The following ACYP2 variants were observed in gnomAD, a reference collection of about 807,000 sequenced individuals.
The protein encoded by ACYP2 is acylphosphatase-2.
ACYP2 carries 12 observed loss-of-function variants against 11.2 expected under a neutral mutation model. That is an observed-to-expected ratio of 1.08 (90% CI 0.69 to 1.74). The LOEUF (loss-of-function observed/expected upper bound fraction) is 1.74. ACYP2 is among the 40% of genes most tolerant of loss of function. The probability of loss-of-function intolerance (pLI) is 0.00; values close to 1 mark genes in which losing one functional copy is unlikely to be tolerated. For missense variants in ACYP2, 134 were observed against 101.9 expected, an observed-to-expected ratio of 1.31 and a Z score of -1.35; for synonymous variants, 43 against 32.2, an observed-to-expected ratio of 1.33 and a Z score of -1.13.
At chr2:54,240,687 TGA>T (rs1161402889) in intron 6 of ACYP2, among the ~76,000 whole-genome samples, 7 of 152,192 alleles carry the variant, frequency 4.6e-5, no homozygotes, top group African/African-American at 1.4e-4. Context: ...GCAATTTAGA[TGA>T]GCAACTCCCT....
At chr2:54,230,271 C>T (rs1686174861) in intron 6 of ACYP2, among the ~76,000 whole-genome samples, 1 of 152,182 alleles carries the variant, frequency 6.6e-6, no homozygotes, top group African/African-American at 2.4e-5. Context: ...CAATTTACAA[C>T]CCCCGCTCTC....
intron 4 of ACYP2, among the ~76,000 whole-genome samples, chr2:54,112,563 A>T (rs1323050502): frequency 6.6e-6 from 1 of 152,248 alleles, no homozygotes; most frequent in African/African-American, 2.4e-5. Context: ...ATGGTAGTGA[A>T]AAATGAGAAG....
chr2:54,139,464 T>G (rs563523951), intron 6 of ACYP2, among the ~76,000 whole-genome samples: 13 of 152,320 alleles, frequency 8.5e-5, no homozygotes, highest in South Asian at 6.2e-4. Context: ...GTGTACACAA[T>G]GACGTTTTCA....
intron 6 of ACYP2, among the ~76,000 whole-genome samples, chr2:54,228,179 G>A (rs1686087833): frequency 1.3e-5 from 2 of 152,186 alleles, no homozygotes; most frequent in African/African-American, 4.8e-5. Context: ...CATTAGGAAG[G>A]AGGAATTTAC....
chr2:54,176,615 G>C (rs916867790), intron 6 of ACYP2, among the ~76,000 whole-genome samples: 1 of 152,184 alleles, frequency 6.6e-6, no homozygotes, highest in Non-Finnish European at 1.5e-5. Flanking sequence ...CTATCACCCA[G>C]AGTCAGTCAT....
intron 2 of ACYP2, among the ~76,000 whole-genome samples, chr2:53,980,752 C>CTT (rs796522648): frequency 2.9e-4 from 42 of 146,128 alleles, no homozygotes; most frequent in African/African-American, 9.5e-4. Flanking sequence ...TATAGGTGTA[C>CTT]TTTTTTTTTT....
chr2:54,081,858 C>G (rs1572709908), intron 4 of ACYP2, among the ~76,000 whole-genome samples: 1 of 152,334 alleles, frequency 6.6e-6, no homozygotes, highest in East Asian at 1.9e-4. Context: ...GATGGCCTCA[C>G]CGTCATGACT....
At chr2:53,980,883 G>T (rs1401907218) in intron 2 of ACYP2, among the ~76,000 whole-genome samples, 2 of 151,990 alleles carry the variant, frequency 1.3e-5, no homozygotes, top group Non-Finnish European at 2.9e-5. Context: ...CTCCCGAGTA[G>T]CTGTGACTAC....
At chr2:54,189,037 A>AT (rs886179142) in intron 6 of ACYP2, among the ~76,000 whole-genome samples, 1 of 152,210 alleles carries the variant, frequency 6.6e-6, no homozygotes, top group East Asian at 1.9e-4. Flanking sequence ...CTCTTTCACA[A>AT]TTTTTTAAAC....
intron 2 of ACYP2, among the ~76,000 whole-genome samples, chr2:54,003,187 A>T (rs1672883664): frequency 6.6e-6 from 1 of 152,018 alleles, no homozygotes; most frequent in Non-Finnish European, 1.5e-5. Flanking sequence ...GCCTCAAGTG[A>T]TCCTCTTGCA....
intron 2 of ACYP2, among the ~76,000 whole-genome samples, chr2:53,991,488 C>T (rs1168816959): frequency 6.6e-6 from 1 of 151,870 alleles, no homozygotes; most frequent in Non-Finnish European, 1.5e-5. Context: ...TCACTGCAAC[C>T]TCTGCCTCCT....
intron 3 of ACYP2, among the ~76,000 whole-genome samples, chr2:54,053,444 C>T (rs1675967148): frequency 6.6e-6 from 1 of 152,212 alleles, no homozygotes; most frequent in Non-Finnish European, 1.5e-5. Flanking sequence ...TGCACACCCA[C>T]CCATCAAGTT....
intron 2 of ACYP2, among the ~76,000 whole-genome samples, chr2:53,994,978 A>G (rs1368240253): frequency 1.3e-5 from 2 of 152,174 alleles, no homozygotes; most frequent in Non-Finnish European, 2.9e-5. Context: ...AGTTCTTTAT[A>G]TATATGTTTT....
chr2:54,115,348 T>G (rs916499329), intron 4 of ACYP2: 3 of 504,126 alleles, frequency 6.0e-6, no homozygotes, highest in African/African-American at 2.0e-5. Context: ...ACTCTTTTTT[T>G]GGGCACAGCA....
chr2:54,293,186 A>C (rs1689384174), intron 6 of ACYP2, among the ~76,000 whole-genome samples: 1 of 152,132 alleles, frequency 6.6e-6, no homozygotes, highest in South Asian at 2.1e-4. Context: ...TAGTAGCTGG[A>C]CTCACACCTA....
At chr2:54,176,694 C>T (rs1299092296) in intron 6 of ACYP2, among the ~76,000 whole-genome samples, 3 of 152,124 alleles carry the variant, frequency 2.0e-5, no homozygotes, top group African/African-American at 7.2e-5. Context: ...TCTACCTTCA[C>T]GATGACATGC....
At chr2:54,265,359 T>C (rs1008668163) in intron 6 of ACYP2, among the ~76,000 whole-genome samples, 1 of 152,152 alleles carries the variant, frequency 6.6e-6, no homozygotes, top group South Asian at 2.1e-4. Flanking sequence ...ATGAGACTTA[T>C]TCACTATCAC....
intron 4 of ACYP2, among the ~76,000 whole-genome samples, chr2:54,095,595 G>A (rs527905606): frequency 6.7e-6 from 1 of 148,638 alleles, no homozygotes; most frequent in East Asian, 2.1e-4. Flanking sequence ...GGACGGGGCG[G>A]CTGGCCGAGT....
intron 2 of ACYP2, among the ~76,000 whole-genome samples, chr2:54,017,788 C>T (rs539603038): frequency 4.0e-5 from 6 of 151,826 alleles, no homozygotes; most frequent in South Asian, 4.2e-4. Context: ...TACTGTATTA[C>T]GTGTGTGTGG....
Sources: gnomAD v4.1 joint callset for allele counts (sites outside exome capture counted in the v4.1 genomes callset) on GRCh38, gnomAD v4.1.1 for gene constraint, MANE v1.5 for transcripts, NCBI Gene and HGNC (gene_info 2026-07-23, HGNC 2026-07-21) for gene names.